Variants in NRG3 observed in about 807,000 individuals in gnomAD.
The protein encoded by NRG3 is pro-neuregulin-3, membrane-bound isoform.
A neutral mutation model predicts 66.9 loss-of-function variants in NRG3; 31 were observed. That is an observed-to-expected ratio of 0.46 (90% CI 0.35 to 0.63). The LOEUF (loss-of-function observed/expected upper bound fraction) is 0.63, where lower values mean the gene tolerates loss of function less well. NRG3 is among the 20% of genes least tolerant of loss of function. NRG3 has a pLI of 0.00. For synonymous variants in NRG3, 393 were observed against 359.4 expected, an observed-to-expected ratio of 1.09 and a Z score of -1.06; for missense variants, 910 against 878.9, an observed-to-expected ratio of 1.04 and a Z score of -0.45.
intron 3 of NRG3, among the ~76,000 whole-genome samples, chr10:82,798,741 A>G (rs1473070704): frequency 1.3e-5 from 2 of 152,252 alleles, no homozygotes; most frequent in Non-Finnish European, 1.5e-5. Context: ...TCTGCAAGCT[A>G]CTGTGTATAA....
chr10:82,152,542 G>A (rs1022127651), intron 1 of NRG3, among the ~76,000 whole-genome samples: 1 of 152,004 alleles, frequency 6.6e-6, no homozygotes, highest in Non-Finnish European at 1.5e-5. Context: ...TATCGGGGAC[G>A]TAGCTCTGTG....
At chr10:82,367,268 T>C (rs544342549) in intron 2 of NRG3, among the ~76,000 whole-genome samples, 24 of 152,328 alleles carry the variant, frequency 1.6e-4, no homozygotes, top group African/African-American at 5.8e-4. Context: ...CAATTGGAAG[T>C]TGTAAAATGC....
chr10:82,004,009 A>ACT (rs2061279972), intron 1 of NRG3, among the ~76,000 whole-genome samples: 1 of 150,442 alleles, frequency 6.6e-6, no homozygotes, highest in African/African-American at 2.5e-5. Context: ...ACACACACAC[A>ACT]CACACACACA....
chr10:81,999,761 T>C (rs79619854), intron 1 of NRG3, among the ~76,000 whole-genome samples: 4,047 of 152,274 alleles, frequency 0.027, 160 homozygotes, highest in East Asian at 0.19. Context: ...TTTTAACAAA[T>C]GAGACTTCAT....
chr10:82,724,271 A>G (rs1415697901), intron 2 of NRG3, among the ~76,000 whole-genome samples: 2 of 151,472 alleles, frequency 1.3e-5, no homozygotes, highest in South Asian at 4.1e-4. Flanking sequence ...TCTGAGGTAC[A>G]TGAGGCTTTT....
intron 2 of NRG3, among the ~76,000 whole-genome samples, chr10:82,580,307 G>A (rs915212329): frequency 2.0e-5 from 3 of 151,740 alleles, no homozygotes; most frequent in Non-Finnish European, 2.9e-5. Flanking sequence ...CAGAAAAGTT[G>A]AGCCCAAATA....
intron 1 of NRG3, among the ~76,000 whole-genome samples, chr10:81,991,039 A>T (rs2133570750): frequency 6.6e-6 from 1 of 152,214 alleles, no homozygotes; most frequent in South Asian, 2.1e-4. Context: ...TTCAACTTAC[A>T]TGGTACTTAT....
At chr10:82,722,070 G>A (rs1019852659) in intron 2 of NRG3, among the ~76,000 whole-genome samples, 9 of 152,182 alleles carry the variant, frequency 5.9e-5, no homozygotes, top group African/African-American at 1.9e-4. Context: ...TGGCATCAGG[G>A]ATGGCATGTG....
intron 1 of NRG3, among the ~76,000 whole-genome samples, chr10:82,092,775 C>CT (rs1432184772): frequency 6.6e-6 from 1 of 152,162 alleles, no homozygotes; most frequent in Non-Finnish European, 1.5e-5. Context: ...AGGGCATTTT[C>CT]TTGCAGCCCA....
At chr10:82,770,971 G>C (rs1467718151) in intron 3 of NRG3, among the ~76,000 whole-genome samples, 1 of 152,172 alleles carries the variant, frequency 6.6e-6, no homozygotes, top group Non-Finnish European at 1.5e-5. Flanking sequence ...CTCCCTGAGA[G>C]TTGGTTTAGC....
chr10:82,144,388 C>T (rs1401072173), intron 1 of NRG3, among the ~76,000 whole-genome samples: 1 of 152,136 alleles, frequency 6.6e-6, no homozygotes, highest in Admixed American at 6.6e-5. Context: ...CTCTTGTGCT[C>T]GCACGTCCCA....
At chr10:82,540,098 C>T (rs2132739217) in intron 2 of NRG3, among the ~76,000 whole-genome samples, 2 of 151,464 alleles carry the variant, frequency 1.3e-5, no homozygotes, top group Non-Finnish European at 3.0e-5. Flanking sequence ...TTGAACTTGG[C>T]AGTAGGAGAA....
At chr10:82,423,858 T>A (rs1463330753) in intron 2 of NRG3, among the ~76,000 whole-genome samples, 3 of 152,018 alleles carry the variant, frequency 2.0e-5, no homozygotes, top group African/African-American at 7.2e-5. Flanking sequence ...TATGTATTTG[T>A]CTAGTATGGA....
chr10:82,821,602 G>C (rs752689480), intron 3 of NRG3, among the ~76,000 whole-genome samples: 2 of 151,910 alleles, frequency 1.3e-5, no homozygotes, highest in South Asian at 2.1e-4. Context: ...AGCATAATAA[G>C]TGACATTTAT....
intron 2 of NRG3, among the ~76,000 whole-genome samples, chr10:82,620,971 A>C (rs564323646): frequency 2.0e-5 from 3 of 152,274 alleles, no homozygotes; most frequent in African/African-American, 7.2e-5. Context: ...TATCAAGGAT[A>C]TTACATATAT....
chr10:82,251,394 T>A (rs559382621), intron 1 of NRG3, among the ~76,000 whole-genome samples: 4 of 152,194 alleles, frequency 2.6e-5, no homozygotes, highest in African/African-American at 7.2e-5. Context: ...GACAGGAAGC[T>A]CCTCATCTAC....
At chr10:82,784,506 A>C (rs1286261285) in intron 3 of NRG3, among the ~76,000 whole-genome samples, 7 of 152,204 alleles carry the variant, frequency 4.6e-5, no homozygotes, top group Admixed American at 2.0e-4. Context: ...TCAAATTTAC[A>C]AGAAAAAAAC....
At chr10:81,983,885 A>G (rs2060425845) in intron 1 of NRG3, among the ~76,000 whole-genome samples, 1 of 152,194 alleles carries the variant, frequency 6.6e-6, no homozygotes, top group African/African-American at 2.4e-5. Flanking sequence ...AAAACAATTT[A>G]AATATGTGAT....
intron 1 of NRG3, among the ~76,000 whole-genome samples, chr10:81,950,544 ATGATGCCGCTGC>A (rs1849259601): frequency 6.6e-6 from 1 of 152,150 alleles, no homozygotes; most frequent in Admixed American, 6.5e-5. Flanking sequence ...CTGAATCCAA[ATGATGCCGCTGC>A]TGAAGTGTGG....
Sources: allele counts gnomAD v4.1 joint callset (sites outside exome capture counted in the v4.1 genomes callset), GRCh38; gene constraint gnomAD v4.1.1; transcripts MANE v1.5; gene names NCBI Gene and HGNC (gene_info 2026-07-23, HGNC 2026-07-21).